Variants in FHIT observed in about 807,000 individuals in gnomAD.
The protein encoded by FHIT is fragile histidine triad diadenosine triphosphatase, also known as bis(5'-adenosyl)-triphosphatase.
Under a neutral mutation model 17.9 loss-of-function variants are expected in FHIT, and 19 were observed. That is an observed-to-expected ratio of 1.06 (90% CI 0.74 to 1.56). FHIT has a LOEUF of 1.56. Ranked by LOEUF, FHIT falls within the 40% of genes most tolerant of loss-of-function variation. The probability of loss-of-function intolerance (pLI) is 0.00; values close to 1 mark genes in which losing one functional copy is unlikely to be tolerated. For missense variants in FHIT, 248 were observed against 189.2 expected, an observed-to-expected ratio of 1.31 and a Z score of -1.82; for synonymous variants, 81 against 69.7, an observed-to-expected ratio of 1.16 and a Z score of -0.81.
At chr3:59,769,731 ATTTT>A (rs11352722) in intron 8 of FHIT, among the ~76,000 whole-genome samples, 2 of 129,812 alleles carry the variant, frequency 1.5e-5, no homozygotes, top group Non-Finnish European at 3.4e-5. Flanking sequence ...ACTAGTTTTG[ATTTT>A]TTTTTTTTTT....
chr3:60,132,779 T>A (rs1007961921), intron 5 of FHIT, among the ~76,000 whole-genome samples: 7 of 152,134 alleles, frequency 4.6e-5, no homozygotes, highest in African/African-American at 1.7e-4. Flanking sequence ...ACAGCTAAGG[T>A]AAATAAGGTA....
intron 1 of FHIT, among the ~76,000 whole-genome samples, chr3:61,242,578 G>C (rs1413046677): frequency 6.6e-6 from 1 of 152,190 alleles, no homozygotes; most frequent in African/African-American, 2.4e-5. Context: ...TATCCAGAGA[G>C]AGGAATTGCA....
At position 61,198,889 on chromosome 3, in the gene FHIT, C is replaced by T. The variant is rs559383871; in HGVS notation, c.-164+1728G>A. On this transcript the variant is annotated intron_variant, in intron 2 of 9. Coordinates refer to ENST00000492590, the MANE Select transcript of FHIT (RefSeq NM_002012.4). ...ATAAAGATGCTGTTGCTGCTGCTGC[C>T]GCCGCCGATGATGATGATGATGATG... 4.3e-4 allele frequency among the ~76,000 whole-genome samples: 43 copies of T among 99,206 alleles called. 1 individual carries two copies. In the East Asian group the frequency reaches 7.9e-3, roughly 18 times the overall value. 65.1% of individuals were successfully genotyped at this position (99,206 alleles called of 152,430 possible). A position where few individuals can be genotyped will look rare whatever the true frequency, so the allele number is the denominator to read the frequency against.
At chr3:59,990,283 G>A (rs1028397471) in intron 7 of FHIT, among the ~76,000 whole-genome samples, 1 of 152,002 alleles carries the variant, frequency 6.6e-6, no homozygotes, top group South Asian at 2.1e-4. Flanking sequence ...ATGAGAGTGA[G>A]GGGAATGATC....
chr3:61,167,020 T>TGGTCCAA (rs1240123988), intron 2 of FHIT: 1 of 152,128 alleles, frequency 6.6e-6, no homozygotes, highest in African/African-American at 2.4e-5. Context: ...CCAGACAGGG[T>TGGTCCAA]GGTCCAAGGT....
At chr3:59,918,910 A>G (rs1452724311) in intron 8 of FHIT, among the ~76,000 whole-genome samples, 1 of 152,234 alleles carries the variant, frequency 6.6e-6, no homozygotes, top group Non-Finnish European at 1.5e-5. Context: ...AGGACCATCA[A>G]TATGCAATGC....
chr3:61,063,224 C>T (rs1290861621), intron 2 of FHIT, among the ~76,000 whole-genome samples: 1 of 130,174 alleles, frequency 7.7e-6, no homozygotes, highest in Non-Finnish European at 1.6e-5. Flanking sequence ...CCACTGCACT[C>T]CAGCCTGAGC....
At chr3:61,229,022 C>G (rs2040036622) in intron 1 of FHIT, among the ~76,000 whole-genome samples, 1 of 152,144 alleles carries the variant, frequency 6.6e-6, no homozygotes, top group Non-Finnish European at 1.5e-5. Context: ...TAGAGCAGAG[C>G]ACAGATTTTG....
At chr3:60,251,006 G>A (rs1262639987) in intron 5 of FHIT, among the ~76,000 whole-genome samples, 1 of 152,198 alleles carries the variant, frequency 6.6e-6, no homozygotes, top group Non-Finnish European at 1.5e-5. Context: ...CACGTGGTTT[G>A]TAAGTAGCCC....
At chr3:60,809,271 T>C (rs1701496462) in intron 4 of FHIT, among the ~76,000 whole-genome samples, 1 of 152,230 alleles carries the variant, frequency 6.6e-6, no homozygotes, top group African/African-American at 2.4e-5. Flanking sequence ...CTCTCTCTGT[T>C]AGTTCTGAAT....
chr3:61,042,452 A>G (rs1301822456), intron 2 of FHIT, among the ~76,000 whole-genome samples: 1 of 152,200 alleles, frequency 6.6e-6, no homozygotes, highest in Non-Finnish European at 1.5e-5. Context: ...AAAACTGGCC[A>G]TGAGCTGATT....
intron 4 of FHIT, among the ~76,000 whole-genome samples, chr3:60,565,158 G>T (rs7634073): frequency 6.6e-6 from 1 of 152,002 alleles, no homozygotes; most frequent in Admixed American, 6.6e-5. Flanking sequence ...TAGGAATAAT[G>T]ATATTGCATA....
In FHIT at chr3:60,470,030, G is replaced by C. The variant is rs888034421; in HGVS notation, c.103+66830C>G. Among the ~76,000 whole-genome samples, 476 of 82,860 alleles carry C rather than the reference G, an allele frequency of 5.7e-3. 2 individuals carry two copies. Among genetic ancestry groups the C allele is most frequent in the African/African-American group, 0.035 (449 of 12,918 alleles). The allele number at this position is 82,860 out of a possible 152,430, so 54.4% of individuals were successfully genotyped here. The stretch of plus-strand genomic sequence containing the variant: ...AGATGAAATCTGTCTCTGTCTCTCT[G>C]TCTCTCTCCCCTCTCCTCTCTCTTT... On this transcript the variant is annotated intron_variant, in intron 5 of 9. Transcript: ENST00000492590.
At chr3:59,772,655 A>G (rs1243908585) in intron 8 of FHIT, among the ~76,000 whole-genome samples, 3 of 152,206 alleles carry the variant, frequency 2.0e-5, no homozygotes, top group Non-Finnish European at 4.4e-5. Flanking sequence ...CAATGCCACA[A>G]AAAATGTCTA....
chr3:60,599,556 T>C (rs951865184), intron 4 of FHIT, among the ~76,000 whole-genome samples: 9 of 152,192 alleles, frequency 5.9e-5, no homozygotes, highest in African/African-American at 1.9e-4. Flanking sequence ...GTTATAAACT[T>C]AACCATTGTG....
chr3:60,876,225 T>C (rs1553756499), intron 3 of FHIT, among the ~76,000 whole-genome samples: 1 of 152,108 alleles, frequency 6.6e-6, no homozygotes, highest in Non-Finnish European at 1.5e-5. Context: ...ATATTCATAC[T>C]TTTTGGTTGA....
At chr3:60,333,516 ACTT>A (rs1710090881) in intron 5 of FHIT, among the ~76,000 whole-genome samples, 1 of 152,238 alleles carries the variant, frequency 6.6e-6, no homozygotes, top group Admixed American at 6.5e-5. Context: ...ACTTTTAAAA[ACTT>A]CTTTATTTGT....
At position 61,169,786 on chromosome 3, in the gene FHIT, G is replaced by A. The variant is rs532749315; in HGVS notation, c.-164+30831C>T. Among the ~76,000 whole-genome samples the A allele has an allele frequency of 1.5e-3, 227 of 152,318 alleles. 6 individuals carry two copies. The South Asian group carries it at 0.046, about 31-fold the overall frequency. On this transcript the variant is annotated intron_variant, in intron 2 of 9. Coordinates refer to ENST00000492590, the MANE Select transcript of FHIT (RefSeq NM_002012.4). ...CTATTGCAATAGCAGTATTGCAACAGGGGAGAGAGATCAGGTTCAACTCCA... is the reference window on the plus strand; with the variant it reads ...CTATTGCAATAGCAGTATTGCAACAAGGGAGAGAGATCAGGTTCAACTCCA...
intron 2 of FHIT, among the ~76,000 whole-genome samples, chr3:61,147,382 T>C (rs2037256411): frequency 6.6e-6 from 1 of 152,088 alleles, no homozygotes; most frequent in Admixed American, 6.6e-5. Flanking sequence ...TTTTCCATTA[T>C]TTTCATACTT....
Sources: allele counts gnomAD v4.1 joint callset (sites outside exome capture counted in the v4.1 genomes callset), GRCh38; gene constraint gnomAD v4.1.1; transcripts MANE v1.5; gene names NCBI Gene and HGNC (gene_info 2026-07-23, HGNC 2026-07-21).